Variants in CTNNA3 observed in about 807,000 individuals in gnomAD.
The protein encoded by CTNNA3 is catenin alpha 3, also known as catenin alpha-3.
In CTNNA3, 76 loss-of-function variants were observed where a neutral mutation model predicts 95.7. That is an observed-to-expected ratio of 0.79 (90% CI 0.66 to 0.96). The LOEUF (loss-of-function observed/expected upper bound fraction) is 0.96, where lower values mean the gene tolerates loss of function less well. Ranked by LOEUF, CTNNA3 falls within the 40% of genes least tolerant of loss-of-function variation. CTNNA3 has a pLI of 0.00. For missense variants in CTNNA3, 1,191 were observed against 1,089.8 expected (o/e 1.09, Z -1.31); for synonymous variants, 431 against 374.4 (o/e 1.15, Z -1.74).
At chr10:67,399,572 A>ATC (rs377066308) in intron 5 of CTNNA3, among the ~76,000 whole-genome samples, 1 of 152,196 alleles carries the variant, frequency 6.6e-6, no homozygotes, top group Non-Finnish European at 1.5e-5. Context: ...CTTTTACAAC[A>ATC]TCTCCCAAGG....
intron 15 of CTNNA3, among the ~76,000 whole-genome samples, chr10:66,030,997 A>G (rs2079438375): frequency 6.6e-6 from 1 of 152,162 alleles, no homozygotes; most frequent in African/African-American, 2.4e-5. Flanking sequence ...ACAATAAAAT[A>G]CCATCTCACA....
intron 13 of CTNNA3, among the ~76,000 whole-genome samples, chr10:66,164,330 T>C (rs2085009450): frequency 6.6e-6 from 1 of 152,184 alleles, no homozygotes; most frequent in Non-Finnish European, 1.5e-5. Flanking sequence ...GTAGTAGATA[T>C]ATTCTGCTTT....
At chr10:66,705,284 T>C (rs116885878) in intron 9 of CTNNA3, among the ~76,000 whole-genome samples, 3,810 of 152,198 alleles carry the variant, frequency 0.025, 51 homozygotes, top group Middle Eastern at 0.061. Context: ...AAATAAATTT[T>C]TGTATCTATA....
intron 5 of CTNNA3, among the ~76,000 whole-genome samples, chr10:67,289,514 G>A (rs1418769789): frequency 6.6e-6 from 1 of 152,104 alleles, no homozygotes; most frequent in Non-Finnish European, 1.5e-5. Flanking sequence ...GAAAATAAAA[G>A]GGAAGCCGTT....
chr10:67,260,827 G>A (rs759972477), intron 5 of CTNNA3, among the ~76,000 whole-genome samples: 1 of 152,020 alleles, frequency 6.6e-6, no homozygotes, highest in Non-Finnish European at 1.5e-5. Flanking sequence ...TGGGATTACA[G>A]GCATGTGCCA....
intron 7 of CTNNA3, among the ~76,000 whole-genome samples, chr10:67,167,836 A>T (rs1861843969): frequency 6.6e-6 from 1 of 152,194 alleles, no homozygotes; most frequent in Admixed American, 6.5e-5. Context: ...AAGTTATAAA[A>T]ATATAGAGGT....
At chr10:66,069,061 A>G (rs1250590147) in intron 15 of CTNNA3, among the ~76,000 whole-genome samples, 2 of 152,160 alleles carry the variant, frequency 1.3e-5, no homozygotes, top group Non-Finnish European at 2.9e-5. Flanking sequence ...ATGCCTGGGG[A>G]AGGGGAAGGT....
intron 13 of CTNNA3, among the ~76,000 whole-genome samples, chr10:66,234,603 C>A (rs2089760439): frequency 6.6e-6 from 1 of 152,122 alleles, no homozygotes; most frequent in Non-Finnish European, 1.5e-5. Flanking sequence ...TTGAGACTGA[C>A]AACATGAAGT....
At chr10:67,602,339 C>T (rs1843110271) in intron 3 of CTNNA3, among the ~76,000 whole-genome samples, 2 of 152,214 alleles carry the variant, frequency 1.3e-5, no homozygotes, top group South Asian at 2.1e-4. Context: ...ACAGTGCTTT[C>T]ACTGTCACTA....
At chr10:67,288,154 A>G (rs974509259) in intron 5 of CTNNA3, among the ~76,000 whole-genome samples, 2 of 152,218 alleles carry the variant, frequency 1.3e-5, no homozygotes, top group African/African-American at 4.8e-5. Context: ...AAGTGGAAGT[A>G]GTATTGTAAA....
At chr10:66,085,712 G>A (rs747987808) in intron 14 of CTNNA3, among the ~76,000 whole-genome samples, 21 of 152,196 alleles carry the variant, frequency 1.4e-4, no homozygotes, top group Non-Finnish European at 2.4e-4. Flanking sequence ...TCTGATTACA[G>A]TGCCTACAGC....
intron 3 of CTNNA3, among the ~76,000 whole-genome samples, chr10:67,575,737 T>C (rs1842121081): frequency 6.6e-6 from 1 of 152,194 alleles, no homozygotes; most frequent in Non-Finnish European, 1.5e-5. Context: ...TGTAGCTTTC[T>C]CTTCTTGTTT....
chr10:66,916,946 C>G (rs1353906904), intron 7 of CTNNA3, among the ~76,000 whole-genome samples: 3 of 152,218 alleles, frequency 2.0e-5, no homozygotes, highest in Non-Finnish European at 2.9e-5. Flanking sequence ...TCCCTACTTG[C>G]TCTCCAACGT....
intron 13 of CTNNA3, among the ~76,000 whole-genome samples, chr10:66,154,337 C>A (rs1416062566): frequency 6.6e-6 from 1 of 151,740 alleles, no homozygotes; most frequent in East Asian, 1.9e-4. Flanking sequence ...GCTCTTTTAA[C>A]ATTGAGCAAC....
chr10:67,305,516 T>A (rs948288880), intron 5 of CTNNA3, among the ~76,000 whole-genome samples: 1 of 151,906 alleles, frequency 6.6e-6, no homozygotes, highest in Admixed American at 6.6e-5. Context: ...CTAAAATCTA[T>A]AGAGAATCAT....
intron 7 of CTNNA3, among the ~76,000 whole-genome samples, chr10:67,124,330 AGCG>A (rs1266770664): frequency 2.7e-5 from 3 of 113,110 alleles, no homozygotes; most frequent in African/African-American, 1.1e-4. Context: ...GGGGTGTGTT[AGCG>A]GTGTGTGTGT....
chr10:66,350,387 A>C (rs190945192), intron 12 of CTNNA3, among the ~76,000 whole-genome samples: 1 of 152,248 alleles, frequency 6.6e-6, no homozygotes, highest in Admixed American at 6.5e-5. Context: ...TATACTTTTT[A>C]GCATTTGTCC....
chr10:66,354,327 A>G (rs2092592237), intron 12 of CTNNA3, among the ~76,000 whole-genome samples: 1 of 151,700 alleles, frequency 6.6e-6, no homozygotes, highest in Non-Finnish European at 1.5e-5. Flanking sequence ...AAAAAAAAAT[A>G]AGAGTCCCTT....
intron 14 of CTNNA3, among the ~76,000 whole-genome samples, chr10:66,074,889 G>A (rs932195350): frequency 6.6e-6 from 1 of 151,464 alleles, no homozygotes; most frequent in African/African-American, 2.4e-5. Flanking sequence ...GGAACATATT[G>A]CATGATAAAT....
Sources: allele counts gnomAD v4.1 joint callset (sites outside exome capture counted in the v4.1 genomes callset), GRCh38; gene constraint gnomAD v4.1.1; transcripts MANE v1.5; gene names NCBI Gene and HGNC (gene_info 2026-07-23, HGNC 2026-07-21).